TMEM132E: variants seen among roughly 807,000 people sequenced by gnomAD.
TMEM132E encodes the protein transmembrane protein 132E.
In TMEM132E, 49 loss-of-function variants were observed where a neutral mutation model predicts 78.5. That is an observed-to-expected ratio of 0.62 (90% CI 0.50 to 0.79). The LOEUF is 0.79. TMEM132E is among the 30% of genes least tolerant of loss of function. The pLI, the probability that TMEM132E is intolerant of heterozygous loss-of-function variation, is 0.00. For missense variants in TMEM132E, 1,403 were observed against 1,470.9 expected (o/e 0.95, Z 0.75); for synonymous variants, 715 against 670.6 (o/e 1.07, Z -1.02).
Position 34,637,552 on chromosome 17 carries a change from C to G in TMEM132E, c.2545C>G (p.Leu849Val). ...ARGAGPPGSA[L>V]PAPEAPGPGT... ...GGGAGCTGGCCCGCCGGGCTCTGCG[C>G]TACCCGCACCGGAGGCTCCAGGCCC... The change falls in exon 9 of 9, where the codon CTA becomes GTA. Residue 849 changes from leucine (L) to valine (V), a missense_variant. Leu to Val is a conservative substitution (Grantham distance 32). Coordinates refer to ENST00000631683, the MANE Select transcript of TMEM132E (RefSeq NM_001304438.2). 1 of 1,599,358 alleles carries G rather than the reference C, an allele frequency of 6.3e-7. No homozygotes were observed. Among genetic ancestry groups the G allele is most frequent in the Non-Finnish European group, 8.5e-7 (1 of 1,175,232 alleles).
intron 1 of TMEM132E, among the ~76,000 whole-genome samples, chr17:34,596,305 T>C (rs934644385): frequency 2.6e-5 from 4 of 152,164 alleles, no homozygotes. Context: ...ATCCATGAAA[T>C]TGGCAATCAT....
intron 2 of TMEM132E, among the ~76,000 whole-genome samples, chr17:34,627,477 T>TGCGCGCACGCGCGCGCGC (rs764096160): frequency 2.0e-5 from 3 of 149,370 alleles, no homozygotes; most frequent in African/African-American, 7.5e-5. Context: ...CGTGTGTGTG[T>TGCGCGCACGCGCGCGCGC]GTGTGTGTGT....
At chr17:34,599,804 G>T (rs148040748) in intron 1 of TMEM132E, among the ~76,000 whole-genome samples, 1 of 152,176 alleles carries the variant, frequency 6.6e-6, no homozygotes, top group Non-Finnish European at 1.5e-5. Context: ...TCAGAGCAAG[G>T]CTTCCCAAGT....
At chr17:34,620,986 C>T (rs1205950268) in intron 1 of TMEM132E, among the ~76,000 whole-genome samples, 1 of 152,146 alleles carries the variant, frequency 6.6e-6, no homozygotes, top group East Asian at 1.9e-4. Flanking sequence ...TGGAAAGGGT[C>T]CCTCGCTAAG....
intron 1 of TMEM132E, among the ~76,000 whole-genome samples, chr17:34,621,146 G>C (rs776997101): frequency 2.0e-5 from 3 of 152,230 alleles, no homozygotes; most frequent in Non-Finnish European, 4.4e-5. Flanking sequence ...CTGAGGCTCG[G>C]AGGGGCAGAA....
intron 1 of TMEM132E, among the ~76,000 whole-genome samples, chr17:34,616,624 A>G (rs1906787583): frequency 6.6e-6 from 1 of 152,168 alleles, no homozygotes; most frequent in Admixed American, 6.5e-5. Flanking sequence ...AGCCTGTGCC[A>G]GAGGAGAACC....
chr17:34,605,254 G>A (rs2142062701), intron 1 of TMEM132E, among the ~76,000 whole-genome samples: 1 of 152,330 alleles, frequency 6.6e-6, no homozygotes, highest in Non-Finnish European at 1.5e-5. Context: ...TAATAAGTGA[G>A]GCTCAGCCCA....
rs189438860 is a variant in TMEM132E at position 34,613,346 on chromosome 17, T to A, written c.68-12781T>A. On this transcript the variant is annotated intron_variant, in intron 1 of 8. Coordinates refer to ENST00000631683, the MANE Select transcript of TMEM132E (RefSeq NM_001304438.2). ...ATTAGGATAATGCACATTAGTCATTTAGTGTAACTCTGAGAGCAGCCCCCT... is the reference window on the plus strand; with the variant it reads ...ATTAGGATAATGCACATTAGTCATTAAGTGTAACTCTGAGAGCAGCCCCCT... Among the ~76,000 whole-genome samples, 122 of 151,996 alleles carry A rather than the reference T, an allele frequency of 8.0e-4. 2 individuals carry two copies. The highest frequency in any genetic ancestry group is 6.8e-3 in the Middle Eastern group (2 of 294).
At chr17:34,598,977 T>TA (rs1906142944) in intron 1 of TMEM132E, among the ~76,000 whole-genome samples, 1 of 152,230 alleles carries the variant, frequency 6.6e-6, no homozygotes, top group South Asian at 2.1e-4. Context: ...AACCTTTACT[T>TA]ACACTTCCAG....
intron 1 of TMEM132E, among the ~76,000 whole-genome samples, chr17:34,605,595 G>A (rs543514070): frequency 1.3e-5 from 2 of 152,276 alleles, no homozygotes; most frequent in South Asian, 2.1e-4. Context: ...ATCCTTCAAA[G>A]CCCCCCACCA....
chr17:34,634,669 A>G (rs770790092), intron 6 of TMEM132E, 130 bp from the exon 7 acceptor site: 47 of 1,121,544 alleles, frequency 4.2e-5, no homozygotes, highest in Non-Finnish European at 5.5e-5. Flanking sequence ...GGCATGAGCC[A>G]TAGAGGAAGC....
intron 8 of TMEM132E, 31 bp from the exon 9 acceptor site, chr17:34,637,146 C>T (rs771325139): frequency 6.4e-7 from 1 of 1,563,024 alleles, no homozygotes; most frequent in South Asian, 1.2e-5. Flanking sequence ...AGCTCTTTGA[C>T]TCCTATCCCC....
At chr17:34,600,231 G>A (rs1369385679) in intron 1 of TMEM132E, among the ~76,000 whole-genome samples, 2 of 152,180 alleles carry the variant, frequency 1.3e-5, no homozygotes, top group Admixed American at 6.5e-5. Context: ...AATATTGACT[G>A]AAGGAATTAT....
Position 34,634,814 on chromosome 17 carries a change from C to CGAGGAT in TMEM132E, c.1716_1721dup (p.Asp572_Glu573dup), listed in dbSNP as rs763637469. On this transcript the variant is annotated inframe_insertion, in exon 7 of 9. Coordinates refer to ENST00000631683, the MANE Select transcript of TMEM132E (RefSeq NM_001304438.2). ...CCCACCCCAGGTCAGTCCGGGAAAG[C>CGAGGAT]GAGGATGAGGATGAGGAGGAGGAGG... is the stretch of plus-strand genomic sequence containing the variant. 2.5e-6 allele frequency: 4 copies of CGAGGAT among 1,613,142 alleles called. No homozygotes were observed. In the Admixed American group the frequency reaches 6.7e-5, roughly 27 times the overall value.
chr17:34,635,748 T>G (rs1907497472), intron 7 of TMEM132E: 2 of 365,800 alleles, frequency 5.5e-6, no homozygotes, highest in South Asian at 1.4e-4. Context: ...ATGCGGGGGT[T>G]GTTGTTTTCC....
intron 1 of TMEM132E, among the ~76,000 whole-genome samples, chr17:34,610,149 C>T (rs917338741): frequency 6.6e-6 from 1 of 152,210 alleles, no homozygotes; most frequent in South Asian, 2.1e-4. Context: ...CTCTGCACTT[C>T]TCCGAAGCCT....
intron 5 of TMEM132E, 22 bp downstream of exon 5, chr17:34,630,173 C>A (rs371967001): frequency 6.9e-6 from 11 of 1,601,664 alleles, no homozygotes; most frequent in Non-Finnish European, 9.4e-6. Flanking sequence ...GGAGGTGGGG[C>A]CCCTGGGGAA....
Position 34,626,713 on chromosome 17 carries a change from G to A in TMEM132E, c.654G>A (p.Gly218=), listed in dbSNP as rs1361203711. The A allele has an allele frequency of 7.2e-7, 1 of 1,385,360 alleles. No individual in the cohort carries two copies. The allele number at this position is 1,385,360 out of a possible 1,614,324, so 85.8% of individuals were successfully genotyped here. A position where few individuals can be genotyped will look rare whatever the true frequency, so the allele number is the denominator to read the frequency against. The change falls in exon 2 of 9, where the codon GGG becomes GGA. Residue 218 remains glycine, a synonymous_variant. Transcript: ENST00000631683. The stretch of plus-strand genomic sequence containing the variant: ...CGGCCCGCCGCAAGTCCCCGGACGG[G>A]CTGGAGCCCGAGGCGACGGGGGAGA... ...PPTARRKSPD[G]LEPEATGESQ...
chr17:34,632,136 T>A (rs1417499407), intron 5 of TMEM132E, among the ~76,000 whole-genome samples: 1 of 152,160 alleles, frequency 6.6e-6, no homozygotes, highest in East Asian at 1.9e-4. Flanking sequence ...CATTCCCTCA[T>A]CTCCACACCT....
Sources: allele counts gnomAD v4.1 joint callset (sites outside exome capture counted in the v4.1 genomes callset), GRCh38; gene constraint gnomAD v4.1.1; transcripts MANE v1.5; gene names NCBI Gene and HGNC (gene_info 2026-07-23, HGNC 2026-07-21).